ISM1: variants seen among roughly 807,000 people sequenced by gnomAD.
ISM1 encodes isthmin 1.
ISM1 carries 25 observed loss-of-function variants against 46.3 expected under a neutral mutation model. The ratio of observed to expected loss-of-function variants is 0.54; its 90% CI spans 0.39 to 0.75. The LOEUF is 0.75. Among genes scored for constraint, ISM1 ranks in the 30% least tolerant of loss-of-function variants. ISM1 has a pLI of 0.00. For missense variants in ISM1, 536 were observed against 625.4 expected (o/e 0.86, Z 1.52); for synonymous variants, 255 against 256.7 (o/e 0.99, Z 0.06).
intron 2 of ISM1, among the ~76,000 whole-genome samples, chr20:13,273,074 T>C (rs552181013): frequency 6.6e-6 from 1 of 152,316 alleles, no homozygotes; most frequent in African/African-American, 2.4e-5. Flanking sequence ...TGCCGGGGAC[T>C]GTTCCTTCAT....
intron 1 of ISM1, among the ~76,000 whole-genome samples, chr20:13,263,334 C>A (rs1051825725): frequency 2.0e-5 from 3 of 151,926 alleles, no homozygotes; most frequent in African/African-American, 7.3e-5. Context: ...CCCAACAAGC[C>A]CCCCACCACC....
intron 1 of ISM1, among the ~76,000 whole-genome samples, chr20:13,227,770 A>C (rs2123127188): frequency 6.6e-6 from 1 of 152,168 alleles, no homozygotes; most frequent in East Asian, 1.9e-4. Flanking sequence ...TGCCTCCCAA[A>C]GTGCTGGGAT....
At chr20:13,252,419 G>A (rs1291557571) in intron 1 of ISM1, among the ~76,000 whole-genome samples, 1 of 152,172 alleles carries the variant, frequency 6.6e-6, no homozygotes, top group African/African-American at 2.4e-5. Context: ...TCATCGTGGG[G>A]AGGCTTTTGC....
the ISM1 span, among the ~76,000 whole-genome samples, chr20:13,324,125 C>G: frequency 4.1e-4 from 63 of 152,262 alleles, no homozygotes; most frequent in East Asian, 0.012. Flanking sequence ...AGGTACTATC[C>G]CTGGGACCTA....
At chr20:13,308,331 G>A in the ISM1 span, among the ~76,000 whole-genome samples, 1 of 152,080 alleles carries the variant, frequency 6.6e-6, no homozygotes, top group Admixed American at 6.5e-5. Flanking sequence ...GATTAATTAT[G>A]GCAGTAATAA....
chr20:13,275,224 G>A (rs907093127), intron 2 of ISM1, among the ~76,000 whole-genome samples: 1 of 151,990 alleles, frequency 6.6e-6, no homozygotes, highest in Non-Finnish European at 1.5e-5. Flanking sequence ...TCATGTAAAG[G>A]CCTTTTTTTC....
Position 13,221,527 on chromosome 20 carries a change from C to T in ISM1, c.-250C>T, listed in dbSNP as rs2039446549. Among the ~76,000 whole-genome samples, 1 of 144,348 alleles carries T rather than the reference C, an allele frequency of 6.9e-6. No homozygotes were observed. The highest frequency in any genetic ancestry group is 2.5e-5 in the African/African-American group (1 of 40,234). 94.7% of individuals were successfully genotyped at this position (144,348 alleles called of 152,430 possible). A position where few individuals can be genotyped will look rare whatever the true frequency, so the allele number is the denominator to read the frequency against. ...GCTCCGCAGCCGGCTTGGACACCCCCGGCCTCGCGGTGGCTCCGCCGTGGT... is the reference window on the plus strand; with the variant it reads ...GCTCCGCAGCCGGCTTGGACACCCCTGGCCTCGCGGTGGCTCCGCCGTGGT... On this transcript the variant is annotated 5_prime_UTR_variant, in exon 1 of 6. Coordinates refer to ENST00000262487, the MANE Select transcript of ISM1 (RefSeq NM_080826.2).
chr20:13,282,774 G>T (rs1282950013), intron 3 of ISM1, among the ~76,000 whole-genome samples: 1 of 152,138 alleles, frequency 6.6e-6, no homozygotes, highest in Non-Finnish European at 1.5e-5. Context: ...CACATGAATA[G>T]CCCCGGGCCT....
At chr20:13,298,761 G>A (rs921218476) in intron 5 of ISM1, among the ~76,000 whole-genome samples, 181 bp from the exon 6 acceptor site, 3 of 152,138 alleles carry the variant, frequency 2.0e-5, no homozygotes, top group African/African-American at 7.2e-5. Context: ...CACTTCTGAT[G>A]GTGCCAGGGG....
At chr20:13,317,626 A>G in the ISM1 span, among the ~76,000 whole-genome samples, 3 of 152,012 alleles carry the variant, frequency 2.0e-5, no homozygotes, top group African/African-American at 7.2e-5. Flanking sequence ...AGAGAGCCAG[A>G]GAATAGACCT....
chr20:13,243,080 A>C (rs2039748364), intron 1 of ISM1, among the ~76,000 whole-genome samples: 1 of 152,206 alleles, frequency 6.6e-6, no homozygotes, highest in African/African-American at 2.4e-5. Context: ...TGGACACCAG[A>C]GTCCATGCTT....
the ISM1 span, among the ~76,000 whole-genome samples, chr20:13,323,368 G>A: frequency 1.3e-5 from 2 of 152,174 alleles, no homozygotes; most frequent in Non-Finnish European, 2.9e-5. Context: ...GAATCACACT[G>A]CAAAGGTAGA....
At chr20:13,222,238 TG>T (rs1434569385) in intron 1 of ISM1, among the ~76,000 whole-genome samples, 1 of 151,968 alleles carries the variant, frequency 6.6e-6, no homozygotes, top group Non-Finnish European at 1.5e-5. Context: ...TGTGCTTGCT[TG>T]GGGGTGCTAC....
intron 3 of ISM1, among the ~76,000 whole-genome samples, chr20:13,283,662 C>T (rs78112330): frequency 0.032 from 4,779 of 150,954 alleles, 224 homozygotes; most frequent in African/African-American, 0.1. Context: ...TGTGTAGATA[C>T]TTGGGGTATC....
At chr20:13,265,750 C>A (rs1177050554) in intron 1 of ISM1, among the ~76,000 whole-genome samples, 1 of 152,044 alleles carries the variant, frequency 6.6e-6, no homozygotes, top group Non-Finnish European at 1.5e-5. Context: ...TTTTCTGGGT[C>A]ATCACAACTC....
At chr20:13,268,474 A>G (rs187592407) in intron 1 of ISM1, among the ~76,000 whole-genome samples, 9 of 150,064 alleles carry the variant, frequency 6.0e-5, no homozygotes, top group African/African-American at 2.0e-4. Flanking sequence ...TGTCAGGGCA[A>G]CTCCCTCTAC....
At chr20:13,264,995 T>C (rs2040027382) in intron 1 of ISM1, among the ~76,000 whole-genome samples, 2 of 152,130 alleles carry the variant, frequency 1.3e-5, no homozygotes, top group South Asian at 4.2e-4. Flanking sequence ...CACAGCGCAG[T>C]GTGATAGAAG....
At chr20:13,301,734 A>G (rs111226340), downstream of ISM1, among the ~76,000 whole-genome samples, 1,080 of 152,200 alleles carry the variant, frequency 7.1e-3, 23 homozygotes, top group African/African-American at 0.023. Flanking sequence ...AATGGAATGC[A>G]TTGCCTTTGA....
chr20:13,279,575 T>C, intron 2 of ISM1, 59 bp from the exon 3 acceptor site: 1 of 1,526,806 alleles, frequency 6.5e-7, no homozygotes. Flanking sequence ...CTTCCAAGGG[T>C]CATGTAGCTT....
Sources: allele counts gnomAD v4.1 joint callset (sites outside exome capture counted in the v4.1 genomes callset), GRCh38; gene constraint gnomAD v4.1.1; transcripts MANE v1.5; gene names NCBI Gene and HGNC (gene_info 2026-07-23, HGNC 2026-07-21).